Variants in CARMIL1 observed in about 807,000 individuals in gnomAD.
CARMIL1 encodes F-actin-uncapping protein LRRC16A.
A neutral mutation model predicts 177.1 loss-of-function variants in CARMIL1; 90 were observed. That is an observed-to-expected ratio of 0.51 (90% confidence interval 0.43 to 0.61). CARMIL1 has a LOEUF of 0.61. Ranked by LOEUF, CARMIL1 falls within the 20% of genes least tolerant of loss-of-function variation. The pLI is 0.00. For missense variants in CARMIL1, 1,380 were observed against 1,667.0 expected (o/e 0.83, Z 3.00); for synonymous variants, 577 against 606.2 (o/e 0.95, Z 0.71).
At chr6:25,604,956 C>A in intron 34 of CARMIL1, 63 bp downstream of exon 34, 1 of 1,334,944 alleles carries the variant, frequency 7.5e-7, no homozygotes. Flanking sequence ...TGCAGAGTCA[C>A]ATGATTGACA....
intron 2 of CARMIL1, among the ~76,000 whole-genome samples, chr6:25,362,710 C>A (rs1789351430): frequency 6.6e-6 from 1 of 152,028 alleles, no homozygotes; most frequent in South Asian, 2.1e-4. Flanking sequence ...ACTACACGAG[C>A]TGTAGAAAAG....
intron 2 of CARMIL1, among the ~76,000 whole-genome samples, chr6:25,367,765 C>G (rs1352056975): frequency 6.6e-6 from 1 of 152,104 alleles, no homozygotes; most frequent in Non-Finnish European, 1.5e-5. Context: ...CATTCAGACT[C>G]TCCCCCAAAC....
At chr6:25,380,146 G>A (rs947721018) in intron 2 of CARMIL1, among the ~76,000 whole-genome samples, 1 of 152,136 alleles carries the variant, frequency 6.6e-6, no homozygotes, top group Non-Finnish European at 1.5e-5. Context: ...AAGCCATATG[G>A]ACCAAAAGTG....
chr6:25,519,151 G>C (rs1159593451), intron 22 of CARMIL1, among the ~76,000 whole-genome samples: 2 of 152,134 alleles, frequency 1.3e-5, no homozygotes, highest in African/African-American at 4.8e-5. Flanking sequence ...TTGGGAGTTA[G>C]TTGCTGATTT....
intron 2 of CARMIL1, among the ~76,000 whole-genome samples, chr6:25,322,411 C>T (rs1177457846): frequency 6.6e-6 from 1 of 152,244 alleles, no homozygotes; most frequent in Non-Finnish European, 1.5e-5. Context: ...GCCTGAGACA[C>T]TATGCCCAGC....
At chr6:25,312,589 G>A (rs1259954938) in intron 2 of CARMIL1, among the ~76,000 whole-genome samples, 1 of 152,006 alleles carries the variant, frequency 6.6e-6, no homozygotes, top group Non-Finnish European at 1.5e-5. Flanking sequence ...AAACTCAAAT[G>A]TGTCTCTTTA....
At chr6:25,584,963 C>T (rs1003421802) in intron 31 of CARMIL1, among the ~76,000 whole-genome samples, 1 of 152,168 alleles carries the variant, frequency 6.6e-6, no homozygotes, top group African/African-American at 2.4e-5. Context: ...GGTTGGCATA[C>T]TCTAGGTTGT....
At chr6:25,467,926 G>A (rs1247975334) in intron 9 of CARMIL1, among the ~76,000 whole-genome samples, 1 of 152,100 alleles carries the variant, frequency 6.6e-6, no homozygotes, top group African/African-American at 2.4e-5. Flanking sequence ...CCTTTTGATT[G>A]GTACTGAAGT....
chr6:25,423,817 A>G (rs1796067669), intron 3 of CARMIL1, among the ~76,000 whole-genome samples: 1 of 152,144 alleles, frequency 6.6e-6, no homozygotes, highest in African/African-American at 2.4e-5. Context: ...GTGATATTTA[A>G]TTAGTGTAAT....
chr6:25,436,742 C>G (rs1440389480), intron 5 of CARMIL1, among the ~76,000 whole-genome samples: 2 of 152,148 alleles, frequency 1.3e-5, no homozygotes, highest in Non-Finnish European at 2.9e-5. Context: ...GGTTGTTCAC[C>G]TTGGGCTCCT....
At chr6:25,566,013 A>G (rs1044519952) in intron 29 of CARMIL1, among the ~76,000 whole-genome samples, 7 of 151,844 alleles carry the variant, frequency 4.6e-5, no homozygotes, top group African/African-American at 1.7e-4. Flanking sequence ...GTGACTTTCT[A>G]TTTCTACCCA....
At chr6:25,613,757 T>C (rs1327593937) in intron 36 of CARMIL1, among the ~76,000 whole-genome samples, 1 of 152,242 alleles carries the variant, frequency 6.6e-6, no homozygotes, top group African/African-American at 2.4e-5. Context: ...TATTCTGATA[T>C]GTGAGATTTC....
At chr6:25,520,417 T>C (rs1488990359) in intron 23 of CARMIL1, 80 bp downstream of exon 23, 1 of 806,634 alleles carries the variant, frequency 1.2e-6, no homozygotes, top group Non-Finnish European at 2.0e-6. Flanking sequence ...AAACAATACT[T>C]TGTTATTTTA....
chr6:25,514,550 C>CAAAAAAAA (rs66490833), intron 20 of CARMIL1, among the ~76,000 whole-genome samples: 6 of 84,184 alleles, frequency 7.1e-5, no homozygotes, highest in Admixed American at 2.8e-4. Context: ...GACCTTGTCT[C>CAAAAAAAA]AAAAAAAAAA....
intron 31 of CARMIL1, among the ~76,000 whole-genome samples, chr6:25,584,826 A>C (rs1475151520): frequency 2.0e-5 from 3 of 152,208 alleles, no homozygotes; most frequent in Non-Finnish European, 4.4e-5. Context: ...GAAGATGAGA[A>C]TGACCTTCCT....
chr6:25,431,917 G>A (rs1796827730), intron 4 of CARMIL1, among the ~76,000 whole-genome samples: 2 of 152,150 alleles, frequency 1.3e-5, no homozygotes, highest in South Asian at 2.1e-4. Flanking sequence ...CATTGGCACT[G>A]CTTCTGTAAA....
intron 2 of CARMIL1, among the ~76,000 whole-genome samples, chr6:25,359,718 T>A (rs1788992420): frequency 6.6e-6 from 1 of 152,170 alleles, no homozygotes. Flanking sequence ...GGTGCACTGA[T>A]GTGCACAGTG....
intron 4 of CARMIL1, among the ~76,000 whole-genome samples, chr6:25,434,612 C>CT (rs1797079060): frequency 6.6e-6 from 1 of 150,846 alleles, no homozygotes; most frequent in Non-Finnish European, 1.5e-5. Flanking sequence ...CAACCTCCGC[C>CT]TCCTGGGTTC....
chr6:25,384,271 A>T (rs1309790662), intron 2 of CARMIL1, among the ~76,000 whole-genome samples: 1 of 152,268 alleles, frequency 6.6e-6, no homozygotes, highest in Non-Finnish European at 1.5e-5. Flanking sequence ...ACCATTGCCA[A>T]CACAGCTCAC....
Sources: gnomAD v4.1 joint callset for allele counts (sites outside exome capture counted in the v4.1 genomes callset) on GRCh38, gnomAD v4.1.1 for gene constraint, MANE v1.5 for transcripts, NCBI Gene and HGNC (gene_info 2026-07-23, HGNC 2026-07-21) for gene names.